TACR1: variants seen among roughly 807,000 people sequenced by gnomAD.
The protein encoded by TACR1 is tachykinin receptor 1.
TACR1 carries 25 observed loss-of-function variants against 35.8 expected under a neutral mutation model. The observed-to-expected ratio is 0.70, with a 90% CI of 0.51 to 0.98. The LOEUF (loss-of-function observed/expected upper bound fraction) is 0.98. Ranked by LOEUF, TACR1 falls within the 50% of genes least tolerant of loss-of-function variation. The pLI, the probability that TACR1 is intolerant of heterozygous loss-of-function variation, is 0.00. For missense variants in TACR1, 478 were observed against 522.9 expected, an observed-to-expected ratio of 0.91 and a Z score of 0.84; for synonymous variants, 195 against 206.7, an observed-to-expected ratio of 0.94 and a Z score of 0.48.
chr2:75,104,750 C>T lies in TACR1; in HGVS notation c.584+15824G>A, dbSNP rs146264271. Among the ~76,000 whole-genome samples, 610 of 152,058 alleles carry T rather than the reference C, an allele frequency of 4.0e-3. 2 individuals carry two copies. The highest frequency in any genetic ancestry group is 6.5e-3 in the Non-Finnish European group (440 of 67,888). ...AACAGGAGGAAAAATTCTCAAAATA[C>T]GACATACAAATGGCTTTCAGGTATA... On this transcript the variant is annotated intron_variant, in intron 2 of 4. Coordinates refer to ENST00000305249, the MANE Select transcript of TACR1 (RefSeq NM_001058.4).
At chr2:75,131,784 T>C (rs992382526) in intron 1 of TACR1, among the ~76,000 whole-genome samples, 1 of 152,230 alleles carries the variant, frequency 6.6e-6, no homozygotes, top group Non-Finnish European at 1.5e-5. Flanking sequence ...TAAAAGTGTT[T>C]GAGCCTTTGA....
At chr2:75,179,890 G>C (rs977918555) in intron 1 of TACR1, among the ~76,000 whole-genome samples, 1 of 152,192 alleles carries the variant, frequency 6.6e-6, no homozygotes, top group Non-Finnish European at 1.5e-5. Context: ...AAGCCATTGA[G>C]ATTTGGGGGT....
intron 1 of TACR1, chr2:75,188,173 C>T (rs1675752453): frequency 6.6e-6 from 1 of 152,116 alleles, no homozygotes; most frequent in African/African-American, 2.4e-5. Flanking sequence ...CCCCTTGGCT[C>T]CCTGGGACTA....
At chr2:75,140,173 T>G (rs1277873414) in intron 1 of TACR1, among the ~76,000 whole-genome samples, 1 of 152,128 alleles carries the variant, frequency 6.6e-6, no homozygotes, top group East Asian at 1.9e-4. Flanking sequence ...ATTCTCAAAG[T>G]AGCCTCCTTT....
intron 2 of TACR1, among the ~76,000 whole-genome samples, chr2:75,098,720 T>C (rs2103867342): frequency 6.6e-6 from 1 of 152,220 alleles, no homozygotes. Flanking sequence ...TCTGGGTTGG[T>C]CCCATTAGCT....
chr2:75,165,320 A>AT (rs1484534465), intron 1 of TACR1, among the ~76,000 whole-genome samples: 3 of 151,564 alleles, frequency 2.0e-5, no homozygotes, highest in African/African-American at 7.3e-5. Context: ...ATTTTACTTT[A>AT]TTTTTTTGAG....
At chr2:75,182,586 A>G (rs1479896828) in intron 1 of TACR1, among the ~76,000 whole-genome samples, 1 of 152,214 alleles carries the variant, frequency 6.6e-6, no homozygotes, top group Non-Finnish European at 1.5e-5. Context: ...GTTATTGCCT[A>G]GTGATGTCGT....
At chr2:75,129,556 C>T (rs1674139843) in intron 1 of TACR1, among the ~76,000 whole-genome samples, 1 of 152,150 alleles carries the variant, frequency 6.6e-6, no homozygotes, top group African/African-American at 2.4e-5. Flanking sequence ...CTGATATGAC[C>T]ATTACACATC....
At chr2:75,171,043 TA>T (rs1282822605) in intron 1 of TACR1, among the ~76,000 whole-genome samples, 2 of 152,220 alleles carry the variant, frequency 1.3e-5, no homozygotes, top group African/African-American at 4.8e-5. Flanking sequence ...AGCCAAATGT[TA>T]ATCTCCAGGA....
chr2:75,161,330 T>A (rs1289420288), intron 1 of TACR1, among the ~76,000 whole-genome samples: 1 of 152,038 alleles, frequency 6.6e-6, no homozygotes, highest in Non-Finnish European at 1.5e-5. Context: ...TTATTACAAA[T>A]GTCAAAAATA....
rs1457000396 is a variant in TACR1 at position 75,154,420 on chromosome 2, A to ACGCGCGCGCGCG, written c.390-33653_390-33652insCGCGCGCGCGCG. ...GCCAAGAGCGCGCACGCACACACAC[A>ACGCGCGCGCGCG]CACACACACACACACACACACACAC... On this transcript the variant is annotated intron_variant, in intron 1 of 4. Coordinates refer to ENST00000305249, the MANE Select transcript of TACR1 (RefSeq NM_001058.4). 6 of 74,300 alleles carry ACGCGCGCGCGCG rather than the reference A, an allele frequency of 8.1e-5. 1 individual carries two copies. The highest frequency in any genetic ancestry group is 4.5e-4 in the African/African-American group (6 of 13,356). 4.6% of individuals were successfully genotyped at this position (74,300 alleles called of 1,614,324 possible). A position where few individuals can be genotyped will look rare whatever the true frequency, so the allele number is the denominator to read the frequency against.
intron 1 of TACR1, among the ~76,000 whole-genome samples, chr2:75,174,401 T>G (rs1187530956): frequency 6.6e-6 from 1 of 152,196 alleles, no homozygotes; most frequent in East Asian, 1.9e-4. Flanking sequence ...AACAGGGCTA[T>G]TAAGTGACTA....
intron 1 of TACR1, among the ~76,000 whole-genome samples, chr2:75,181,883 C>T (rs563683367): frequency 1.3e-5 from 2 of 152,340 alleles, no homozygotes; most frequent in East Asian, 3.9e-4. Flanking sequence ...CCTCACTCCT[C>T]TTAATTAGCT....
chr2:75,178,574 C>T (rs150787441), intron 1 of TACR1, among the ~76,000 whole-genome samples: 1 of 152,216 alleles, frequency 6.6e-6, no homozygotes, highest in Non-Finnish European at 1.5e-5. Context: ...GACCTTTCTA[C>T]CTAATACACT....
At chr2:75,172,296 A>G (rs1235547455) in intron 1 of TACR1, among the ~76,000 whole-genome samples, 1 of 152,198 alleles carries the variant, frequency 6.6e-6, no homozygotes, top group African/African-American at 2.4e-5. Flanking sequence ...GAACAGCCCC[A>G]TCCCAAGTTT....
intron 2 of TACR1, among the ~76,000 whole-genome samples, chr2:75,083,047 TTA>T (rs574550260): frequency 0.012 from 1,774 of 152,332 alleles, 22 homozygotes; most frequent in African/African-American, 0.04. Context: ...TCTAGGGTTT[TTA>T]TGGTTTTAGG....
At chr2:75,169,097 T>C (rs765922907) in intron 1 of TACR1, among the ~76,000 whole-genome samples, 2 of 152,222 alleles carry the variant, frequency 1.3e-5, no homozygotes, top group Non-Finnish European at 2.9e-5. Flanking sequence ...AATCTTTATC[T>C]AATACTTTCT....
At chr2:75,137,590 G>A (rs1353103247) in intron 1 of TACR1, among the ~76,000 whole-genome samples, 5 of 151,750 alleles carry the variant, frequency 3.3e-5, no homozygotes, top group Admixed American at 6.6e-5. Context: ...TTAGCTGGGC[G>A]TGGTGGCGGG....
chr2:75,167,195 A>G (rs1210149872), intron 1 of TACR1, among the ~76,000 whole-genome samples: 2 of 152,228 alleles, frequency 1.3e-5, no homozygotes, highest in African/African-American at 2.4e-5. Flanking sequence ...TTATAATTGA[A>G]AGGAAATTAA....
Sources: allele counts gnomAD v4.1 joint callset (sites outside exome capture counted in the v4.1 genomes callset), GRCh38; gene constraint gnomAD v4.1.1; transcripts MANE v1.5; gene names NCBI Gene and HGNC (gene_info 2026-07-23, HGNC 2026-07-21).